Variants in CTNNA3 observed in about 807,000 individuals in gnomAD.
CTNNA3 encodes catenin alpha-3.
A neutral mutation model predicts 95.7 loss-of-function variants in CTNNA3; 76 were observed. The observed-to-expected ratio is 0.79, with a 90% CI of 0.66 to 0.96. The LOEUF (loss-of-function observed/expected upper bound fraction) is 0.96, where lower values mean the gene tolerates loss of function less well. Among genes scored for constraint, CTNNA3 ranks in the 40% least tolerant of loss-of-function variants. CTNNA3 has a pLI of 0.00. For synonymous variants in CTNNA3, 431 were observed against 374.4 expected (o/e 1.15, Z -1.74); for missense variants, 1,191 against 1,089.8 (o/e 1.09, Z -1.31).
At chr10:67,219,981 G>A (rs760977255) in intron 5 of CTNNA3, 111 bp from the exon 6 acceptor site, 1 of 830,302 alleles carries the variant, frequency 1.2e-6, no homozygotes, top group East Asian at 2.6e-5. Flanking sequence ...TAGACATGAA[G>A]AAGTCAGCTA....
intron 7 of CTNNA3, among the ~76,000 whole-genome samples, chr10:67,066,486 T>C (rs1048528948): frequency 1.3e-5 from 2 of 148,384 alleles, no homozygotes; most frequent in Non-Finnish European, 3.0e-5. Context: ...CCACCGCACC[T>C]GGCCAAGTCC....
chr10:67,408,936 T>G (rs1845257813), intron 5 of CTNNA3, among the ~76,000 whole-genome samples: 1 of 141,182 alleles, frequency 7.1e-6, no homozygotes, highest in Non-Finnish European at 1.5e-5. Context: ...GAACAGACAC[T>G]TCTCAAAAGA....
At chr10:67,363,915 T>C (rs930696863) in intron 5 of CTNNA3, among the ~76,000 whole-genome samples, 3 of 152,158 alleles carry the variant, frequency 2.0e-5, no homozygotes, top group African/African-American at 7.2e-5. Flanking sequence ...GTTGGTACCA[T>C]TCCTTCTGAA....
In CTNNA3 at chr10:67,694,047, A is replaced by T. The variant is rs1407636475; in HGVS notation, c.-6+1953T>A. ...AATAAGTAAAGAATTTATTCTTCCT[A>T]TTCCTATTTCTTTGTCACAGTTGTA... On this transcript the variant is annotated intron_variant, in intron 1 of 17. Coordinates refer to ENST00000433211, the MANE Select transcript of CTNNA3 (RefSeq NM_013266.4). Among the ~76,000 whole-genome samples, 3 of 152,324 alleles carry T rather than the reference A, an allele frequency of 2.0e-5. No homozygotes were observed. The East Asian group carries it at 5.8e-4, about 29-fold the overall frequency.
At chr10:66,040,229 G>T (rs893819779) in intron 15 of CTNNA3, among the ~76,000 whole-genome samples, 6 of 151,976 alleles carry the variant, frequency 3.9e-5, no homozygotes, top group Admixed American at 1.3e-4. Context: ...AAAATAACAG[G>T]TGCTGCTGAG....
intron 12 of CTNNA3, among the ~76,000 whole-genome samples, chr10:66,356,749 G>C (rs1564893020): frequency 1.3e-5 from 2 of 151,866 alleles, no homozygotes; most frequent in African/African-American, 4.8e-5. Flanking sequence ...TGGGCTTTTT[G>C]TTGATACCTT....
At chr10:65,954,886 T>C (rs932018673) in intron 17 of CTNNA3, among the ~76,000 whole-genome samples, 1 of 152,190 alleles carries the variant, frequency 6.6e-6, no homozygotes, top group Non-Finnish European at 1.5e-5. Context: ...TTTGATTCCA[T>C]ATGAGCTTTA....
chr10:66,440,239 T>C (rs567498460), intron 11 of CTNNA3, among the ~76,000 whole-genome samples: 20 of 152,210 alleles, frequency 1.3e-4, no homozygotes, highest in Non-Finnish European at 2.8e-4. Flanking sequence ...TGTAATATAA[T>C]CAATTTTTCT....
intron 12 of CTNNA3, among the ~76,000 whole-genome samples, chr10:66,292,674 A>C (rs1011274536): frequency 6.6e-6 from 1 of 152,178 alleles, no homozygotes; most frequent in Non-Finnish European, 1.5e-5. Context: ...TAAAGCTAAT[A>C]TCAATTCACT....
At chr10:66,881,394 T>C (rs1844846379) in intron 7 of CTNNA3, among the ~76,000 whole-genome samples, 1 of 152,126 alleles carries the variant, frequency 6.6e-6, no homozygotes, top group Non-Finnish European at 1.5e-5. Context: ...TCCTCTGTCA[T>C]GATGTAGCTG....
intron 1 of CTNNA3, among the ~76,000 whole-genome samples, chr10:67,679,857 T>C (rs570135217): frequency 6.6e-6 from 1 of 152,312 alleles, no homozygotes; most frequent in African/African-American, 2.4e-5. Flanking sequence ...GCACGAATTA[T>C]TGAACAAAGT....
intron 13 of CTNNA3, among the ~76,000 whole-genome samples, chr10:66,220,888 G>A (rs2088891716): frequency 6.6e-6 from 1 of 152,130 alleles, no homozygotes; most frequent in Admixed American, 6.5e-5. Flanking sequence ...CAGGATGGGG[G>A]GTGAGGTGGG....
chr10:66,707,125 C>G (rs1848143626), intron 9 of CTNNA3, among the ~76,000 whole-genome samples: 1 of 151,926 alleles, frequency 6.6e-6, no homozygotes, highest in Admixed American at 6.6e-5. Context: ...ATAAGCCACC[C>G]TTTAAAAATT....
At chr10:66,774,201 C>T (rs1840203961) in intron 8 of CTNNA3, among the ~76,000 whole-genome samples, 1 of 152,136 alleles carries the variant, frequency 6.6e-6, no homozygotes, top group South Asian at 2.1e-4. Context: ...TCATTGAGAG[C>T]TCATAGAGAC....
rs372306842 is a variant in CTNNA3 at position 66,984,593 on chromosome 10, C to T, written c.1047+195724G>A. Reference sequence around the variant, plus strand: ...TAAACTTGATCTTCAAAATACTTCTCAATGCGTTCATGATTCCTTTTAATA... The same window carrying T: ...TAAACTTGATCTTCAAAATACTTCTTAATGCGTTCATGATTCCTTTTAATA... On this transcript the variant is annotated intron_variant, in intron 7 of 17. Transcript: ENST00000433211. Among the ~76,000 whole-genome samples the T allele has an allele frequency of 4.1e-3, 631 of 152,218 alleles. 16 individuals carry two copies. The highest frequency in any genetic ancestry group is 0.037 in the Middle Eastern group (11 of 294).
intron 2 of CTNNA3, among the ~76,000 whole-genome samples, chr10:67,641,692 T>C (rs895124417): frequency 2.3e-4 from 35 of 152,040 alleles, no homozygotes; most frequent in Non-Finnish European, 4.6e-4. Context: ...AAATGATGAG[T>C]TCATGTCCTT....
intron 1 of CTNNA3, among the ~76,000 whole-genome samples, chr10:67,667,307 G>T (rs1840348927): frequency 6.6e-6 from 1 of 151,992 alleles, no homozygotes; most frequent in African/African-American, 2.4e-5. Flanking sequence ...ACAGCAATTT[G>T]CCTGATTTAT....
intron 6 of CTNNA3, among the ~76,000 whole-genome samples, chr10:67,208,008 C>T (rs1215785196): frequency 2.6e-5 from 4 of 152,096 alleles, no homozygotes; most frequent in African/African-American, 9.7e-5. Flanking sequence ...ACTCAACAAA[C>T]AGAAGAACTT....
intron 7 of CTNNA3, among the ~76,000 whole-genome samples, chr10:66,805,606 T>C (rs182866305): frequency 5.3e-5 from 8 of 151,748 alleles, no homozygotes; most frequent in Admixed American, 2.6e-4. Context: ...AAGGATTTTC[T>C]GAGATGTCTA....
Sources: allele counts gnomAD v4.1 joint callset (sites outside exome capture counted in the v4.1 genomes callset), GRCh38; gene constraint gnomAD v4.1.1; transcripts MANE v1.5; gene names NCBI Gene and HGNC (gene_info 2026-07-23, HGNC 2026-07-21).